ZNF587B: variants seen among roughly 807,000 people sequenced by gnomAD.
ZNF587B encodes the protein zinc finger protein 587B.
ZNF587B carries 6 observed loss-of-function variants against 7.2 expected under a neutral mutation model. The ratio of observed to expected loss-of-function variants is 0.83; its 90% CI spans 0.46 to 1.65. ZNF587B has a LOEUF of 1.65. Ranked by LOEUF, ZNF587B falls within the 40% of genes most tolerant of loss-of-function variation. The pLI, the probability that ZNF587B is intolerant of heterozygous loss-of-function variation, is 0.01. For synonymous variants in ZNF587B, 274 were observed against 254.3 expected (o/e 1.08, Z -0.74); for missense variants, 749 against 761.0 (o/e 0.98, Z 0.19).
intron 1 of ZNF587B, among the ~76,000 whole-genome samples, chr19:57,831,841 A>G (rs1988413904): frequency 6.6e-6 from 1 of 151,038 alleles, no homozygotes; most frequent in South Asian, 2.1e-4. Context: ...AGTAGCTGGG[A>G]TTACAGACAC....
In ZNF587B at chr19:57,830,398, C is replaced by T; in HGVS notation, c.-131C>T. 7 of 964,124 alleles carry T rather than the reference C, an allele frequency of 7.3e-6. No individual in the cohort carries two copies. Among genetic ancestry groups the T allele is most frequent in the Non-Finnish European group, 1.1e-5 (7 of 640,438 alleles). 59.7% of individuals were successfully genotyped at this position (964,124 alleles called of 1,614,324 possible). A position where few individuals can be genotyped will look rare whatever the true frequency, so the allele number is the denominator to read the frequency against. On this transcript the variant is annotated 5_prime_UTR_variant, in exon 1 of 3. Transcript: ENST00000594901. ...CGGAGAACAGTTGTCCTCTGCTGCA[C>T]AGAGGCGACTCTGGAGCTCTGTGAC...
At position 57,845,464 on chromosome 19, in the gene ZNF587B, TA is replaced by T. The variant is rs1272678840; in HGVS notation, c.*2890del. On this transcript the variant is annotated 3_prime_UTR_variant, in exon 3 of 3. Coordinates refer to ENST00000594901, the MANE Select transcript of ZNF587B (RefSeq NM_001376223.1). ...ACCTTTTGGGCTGCTCACCTTAAGGTAACTCCTGTATTAACAGGAGGAACAG... is the reference window on the plus strand; with the variant it reads ...ACCTTTTGGGCTGCTCACCTTAAGGTACTCCTGTATTAACAGGAGGAACAG... 3.6e-4 allele frequency: 55 copies of T among 152,274 alleles called. No homozygotes were observed. Among genetic ancestry groups the T allele is most frequent in the African/African-American group, 1.2e-3 (48 of 41,542 alleles). 9.4% of individuals were successfully genotyped at this position (152,274 alleles called of 1,614,324 possible).
rs1215810880 is a variant in ZNF587B at position 57,843,663 on chromosome 19, G to A, written c.*1087G>A. 2.7e-6 allele frequency: 2 copies of A among 734,052 alleles called. No individual in the cohort carries two copies. The highest frequency in any genetic ancestry group is 4.3e-5 in the African/African-American group (2 of 47,028). 45.5% of individuals were successfully genotyped at this position (734,052 alleles called of 1,614,324 possible). On this transcript the variant is annotated 3_prime_UTR_variant, in exon 3 of 3. Coordinates refer to ENST00000594901, the MANE Select transcript of ZNF587B (RefSeq NM_001376223.1). The stretch of plus-strand genomic sequence containing the variant: ...GTCACCGATACTGGAGTGCAGTGGT[G>A]TGATCCTGGTTCATTGCAACCTCTG...
intron 1 of ZNF587B, among the ~76,000 whole-genome samples, chr19:57,832,148 A>G (rs1600101834): frequency 6.6e-6 from 1 of 150,856 alleles, no homozygotes; most frequent in East Asian, 2.0e-4. Context: ...GCGCAGTGGC[A>G]CGATCTCGGC....
chr19:57,835,783 C>G (rs955416314), intron 1 of ZNF587B, among the ~76,000 whole-genome samples: 3 of 140,136 alleles, frequency 2.1e-5, no homozygotes, highest in Non-Finnish European at 4.6e-5. Context: ...TCACCATGCT[C>G]AGACCCTGAG....
rs1047128 is a variant in ZNF587B at position 57,846,178 on chromosome 19, T to G, written c.*3602T>G. On this transcript the variant is annotated 3_prime_UTR_variant, in exon 3 of 3. Transcript: ENST00000594901. ...ACCATTGATTTACTTTGCTGTATGA[T>G]GGAGTACTTTCCATTTTCTGGAATT... 2.0e-5 allele frequency: 3 copies of G among 151,924 alleles called. No individual in the cohort carries two copies. Among genetic ancestry groups the G allele is most frequent in the African/African-American group, 7.3e-5 (3 of 41,320 alleles). The allele number at this position is 151,924 out of a possible 1,614,324, so 9.4% of individuals were successfully genotyped here. A position where few individuals can be genotyped will look rare whatever the true frequency, so the allele number is the denominator to read the frequency against.
In ZNF587B at chr19:57,842,416, G is replaced by T. The variant is rs746192668; in HGVS notation, c.1742G>T (p.Ser581Ile). The T allele has an allele frequency of 1.9e-6, 3 of 1,600,014 alleles. No homozygotes were observed. Among genetic ancestry groups the T allele is most frequent in the South Asian group, 2.3e-5 (2 of 88,544 alleles). Residue 581 changes from serine to isoleucine, a missense_variant, in exon 3 of 3, where the codon AGT becomes ATT. Physicochemically the swap from Ser to Ile is moderately radical, Grantham distance 142. Around this residue, in one of 3 missense-constraint regions of ZNF587B, gnomAD observed 656 missense variants for 596.5 expected, o/e 1.10. Coordinates refer to ENST00000594901, the MANE Select transcript of ZNF587B (RefSeq NM_001376223.1). ...ACTGGTCAGAAGCCTTATGAGTGCA[G>T]TGAATGTGGGAAATCTTTTGCTGGA... The part of the protein sequence containing the change: ...VHTGQKPYEC[S>I]ECGKSFAGIS...
At position 57,842,715 on chromosome 19, in the gene ZNF587B, A is replaced by C; in HGVS notation, c.*139A>C. On this transcript the variant is annotated 3_prime_UTR_variant, in exon 3 of 3. Transcript: ENST00000594901. ...GACATTGGAGAGTTCACACCAGAGA[A>C]AAGTCCTTACAAGTAAAATAAATTT... is the stretch of plus-strand genomic sequence containing the variant. The C allele has an allele frequency of 7.8e-7, 1 of 1,288,542 alleles. No homozygotes were observed. The highest frequency in any genetic ancestry group is 2.9e-5 in the East Asian group (1 of 34,562). The allele number at this position is 1,288,542 out of a possible 1,614,324, so 79.8% of individuals were successfully genotyped here. A position where few individuals can be genotyped will look rare whatever the true frequency, so the allele number is the denominator to read the frequency against.
chr19:57,836,341 T>C (rs1988600100), intron 1 of ZNF587B, among the ~76,000 whole-genome samples: 1 of 152,240 alleles, frequency 6.6e-6, no homozygotes, highest in Non-Finnish European at 1.5e-5. Flanking sequence ...GTGGTAATAT[T>C]GGATCGGTTT....
In ZNF587B at chr19:57,841,392, G is replaced by A. The variant is rs375473174; in HGVS notation, c.718G>A (p.Glu240Lys). Residue 240 changes from glutamate to lysine, a missense_variant, in exon 3 of 3, where the codon GAA (glutamate) becomes AAA (lysine). Transcript: ENST00000594901. ...SQHQRLLPRE[E>K]CYVCCECGKS... ...GCACCAGAGACTTCTCCCTCGAGAA[G>A]AATGTTATGTGTGCTGTGAATGTGG... The A allele has an allele frequency of 1.9e-6, 3 of 1,587,338 alleles. No individual in the cohort carries two copies.
At chr19:57,839,225 C>A in intron 2 of ZNF587B, 76 bp downstream of exon 2, 1 of 1,586,150 alleles carries the variant, frequency 6.3e-7, no homozygotes, top group Non-Finnish European at 8.6e-7. Context: ...GCAAGACTTT[C>A]TCATGTCAGG....
At chr19:57,830,914 G>A (rs904876730) in intron 1 of ZNF587B, among the ~76,000 whole-genome samples, 1 of 152,186 alleles carries the variant, frequency 6.6e-6, no homozygotes, top group Admixed American at 6.5e-5. Context: ...TTAGAAAGGG[G>A]AGGGGGGGTC....
rs182640989 is a variant in ZNF587B, at chr19:57,840,455, G to T, written c.164-383G>T. Among the ~76,000 whole-genome samples the T allele has an allele frequency of 1.6e-4, 25 of 152,200 alleles. No homozygotes were observed. The East Asian group carries it at 4.1e-3, about 25-fold the overall frequency. On this transcript the variant is annotated intron_variant, in intron 2 of 2. Transcript: ENST00000594901. ...TTGTGTTAGCAAGTATATACGCTTT[G>T]TTACAAACTGTCCTCAAGCAGAAGC...
At chr19:57,832,659 A>G (rs1988462813) in intron 1 of ZNF587B, among the ~76,000 whole-genome samples, 1 of 152,238 alleles carries the variant, frequency 6.6e-6, no homozygotes, top group African/African-American at 2.4e-5. Flanking sequence ...TGTGGTCTTC[A>G]CAGTCTGGGC....
Position 57,832,140 on chromosome 19 carries a change from G to A in ZNF587B, c.36+1576G>A, listed in dbSNP as rs949576583. On this transcript the variant is annotated intron_variant, in intron 1 of 2. Coordinates refer to ENST00000594901, the MANE Select transcript of ZNF587B (RefSeq NM_001376223.1). The stretch of plus-strand genomic sequence containing the variant: ...CTCGCTCTATCGCCCAGACTGGAGC[G>A]CAGTGGCACGATCTCGGCTCACTGC... Among the ~76,000 whole-genome samples the A allele has an allele frequency of 2.7e-5, 4 of 150,758 alleles. No homozygotes were observed. In the East Asian group the frequency reaches 5.9e-4, roughly 22 times the overall value.
Position 57,841,806 on chromosome 19 carries a change from G to GAAGT in ZNF587B, c.1136_1139dup (p.Arg380SerfsTer20). The GAAGT allele has an allele frequency of 6.2e-7, 1 of 1,611,358 alleles. No homozygotes were observed. Among genetic ancestry groups the GAAGT allele is most frequent in the South Asian group, 1.1e-5 (1 of 90,848 alleles). On this transcript the variant is annotated frameshift_variant, in exon 3 of 3. Coordinates refer to ENST00000594901, the MANE Select transcript of ZNF587B (RefSeq NM_001376223.1). LOFTEE classifies it low-confidence loss of function (END_TRUNC). ...TAGTTACCATCAGCGCATTCACACT[G>GAAGT]AAGTAAGACCTTACAAGTGTGGAGA...
chr19:57,838,598 T>TCAAA (rs372790182), intron 1 of ZNF587B, among the ~76,000 whole-genome samples: 1,610 of 152,200 alleles, frequency 0.011, 28 homozygotes, highest in African/African-American at 0.036. Context: ...AGACTCCATC[T>TCAAA]CAAACAAACA....
chr19:57,843,742 C>T lies in ZNF587B; in HGVS notation c.*1166C>T, dbSNP rs1397484237. The T allele has an allele frequency of 3.9e-6, 1 of 258,766 alleles. No homozygotes were observed. Among genetic ancestry groups the T allele is most frequent in the Non-Finnish European group, 6.0e-6 (1 of 166,500 alleles). 16.0% of individuals were successfully genotyped at this position (258,766 alleles called of 1,614,324 possible). A position where few individuals can be genotyped will look rare whatever the true frequency, so the allele number is the denominator to read the frequency against. On this transcript the variant is annotated 3_prime_UTR_variant, in exon 3 of 3. Coordinates refer to ENST00000594901, the MANE Select transcript of ZNF587B (RefSeq NM_001376223.1). ...TCAGCCTCCTGAGTAGCTGGGATTA[C>T]AGGTGCCTGCCACCACACCCAGGTA... is the stretch of plus-strand genomic sequence containing the variant.
rs1408103935 is a variant in ZNF587B, at chr19:57,830,533, CGGTGGT to C, written c.8_13del (p.Val3_Val4del). 6.5e-7 allele frequency: 1 copy of C among 1,549,480 alleles called. No individual in the cohort carries two copies. Among genetic ancestry groups the C allele is most frequent in the Admixed American group, 2.0e-5 (1 of 51,004 alleles). On this transcript the variant is annotated inframe_deletion, in exon 1 of 3. Transcript: ENST00000594901. ...TGCTTTAAACCACGTGGTTCGATGGCGGTGGTGGCCACGCTGAGGCTCTCTGCTCAG... is the reference window on the plus strand; with the variant it reads ...TGCTTTAAACCACGTGGTTCGATGGCGGCCACGCTGAGGCTCTCTGCTCAG...
Sources: allele counts gnomAD v4.1 joint callset (sites outside exome capture counted in the v4.1 genomes callset), GRCh38; gene constraint gnomAD v4.1.1; regional missense constraint gnomAD v4.1.1; transcripts MANE v1.5; gene names NCBI Gene and HGNC (gene_info 2026-07-23, HGNC 2026-07-21).